The following TPM1 variants were observed in gnomAD, a reference collection of about 807,000 sequenced individuals.
TPM1 encodes the protein tropomyosin 1.
In TPM1, 24 loss-of-function variants were observed where a neutral mutation model predicts 42.9. That is an observed-to-expected ratio of 0.56 (90% confidence interval 0.41 to 0.79). The LOEUF (loss-of-function observed/expected upper bound fraction) is 0.79, where lower values mean the gene tolerates loss of function less well. Ranked by LOEUF, TPM1 falls within the 30% of genes least tolerant of loss-of-function variation. The probability of loss-of-function intolerance (pLI) is 0.00; values close to 1 mark genes in which losing one functional copy is unlikely to be tolerated. For synonymous variants in TPM1, 136 were observed against 130.1 expected (o/e 1.05, Z -0.31); for missense variants, 158 against 351.8 (o/e 0.45, Z 4.41).
exon 9 of TPM1, chr15:63,071,735 G>T: frequency 6.0e-6 from 1 of 167,886 alleles, no homozygotes; most frequent in Non-Finnish European, 1.3e-5. Flanking sequence ...TGGCACACGT[G>T]CAGCTCATGA....
intron 2 of TPM1, chr15:63,044,415 G>A (rs888026397): frequency 1.9e-5 from 12 of 617,206 alleles, no homozygotes; most frequent in Admixed American, 8.5e-5. Context: ...GGAGAATAGA[G>A]CAGCTGAAAT....
chr15:63,048,712 G>A (rs948805271), intron 2 of TPM1: 1 of 1,536,772 alleles, frequency 6.5e-7, no homozygotes, highest in East Asian at 2.5e-5. Context: ...GAGACCGTAA[G>A]GGATACACCC....
chr15:63,059,071 C>G (rs933201188), intron 3 of TPM1, among the ~76,000 whole-genome samples: 5 of 152,174 alleles, frequency 3.3e-5, no homozygotes, highest in South Asian at 2.1e-4. Flanking sequence ...TTTATTAAAT[C>G]TAACATTAAG....
downstream of TPM1, chr15:63,069,945 CT>C (rs2036513615): frequency 6.2e-7 from 1 of 1,614,030 alleles, no homozygotes; most frequent in Non-Finnish European, 8.5e-7. Flanking sequence ...GAGGATTAAA[CT>C]TAAGAGTGAA....
chr15:63,069,926 G>C (rs1278964065), downstream of TPM1: 1 of 1,614,066 alleles, frequency 6.2e-7, no homozygotes, highest in East Asian at 2.2e-5. Context: ...ACTAAAGCTG[G>C]CCCTGAATGA....
intron 2 of TPM1, chr15:63,048,648 G>C: frequency 6.5e-7 from 1 of 1,539,122 alleles, no homozygotes; most frequent in Non-Finnish European, 8.7e-7. Flanking sequence ...GGACGCCGCT[G>C]AGGAGCGCGC....
In TPM1 at chr15:63,062,152, C is replaced by T. The variant is rs1348614753; in HGVS notation, c.640-63C>T. The T allele has an allele frequency of 2.0e-6, 3 of 1,486,610 alleles. No homozygotes were observed. The African/African-American group carries it at 4.1e-5, about 21-fold the overall frequency. The allele number at this position is 1,486,610 out of a possible 1,614,324, so 92.1% of individuals were successfully genotyped here. ...GTTGGCTGAGCTGGCGAGTTCTTTGCATGAGAAGCCATGAGTAGATTGAGC... is the reference window on the plus strand; with the variant it reads ...GTTGGCTGAGCTGGCGAGTTCTTTGTATGAGAAGCCATGAGTAGATTGAGC... On this transcript the variant is annotated intron_variant, in intron 6 of 9. Transcript: ENST00000403994.
intron 3 of TPM1, 64 bp downstream of exon 3, chr15:63,057,182 C>T (rs2034941004): frequency 3.7e-6 from 6 of 1,602,594 alleles, no homozygotes; most frequent in Non-Finnish European, 5.1e-6. Context: ...CCGGAGGGCT[C>T]CTGTGATCTT....
chr15:63,065,432 T>A, intron 9 of TPM1: 1 of 985,408 alleles, frequency 1.0e-6, no homozygotes, highest in African/African-American at 1.7e-5. Flanking sequence ...TTAGAGGTTA[T>A]AGAATCCCCA....
At chr15:63,052,988 G>T (rs1048510878) in intron 2 of TPM1, among the ~76,000 whole-genome samples, 1 of 152,164 alleles carries the variant, frequency 6.6e-6, no homozygotes, top group African/African-American at 2.4e-5. Flanking sequence ...CATGGGTTCA[G>T]GGTTTTCCCA....
chr15:63,048,268 C>T (rs1485471697), intron 2 of TPM1: 8 of 562,488 alleles, frequency 1.4e-5, no homozygotes, highest in East Asian at 5.9e-5. Context: ...TCACCAGGTA[C>T]CCCCGCAGCG....
chr15:63,071,763 A>G (rs2141042236), exon 9 of TPM1: 1 of 159,622 alleles, frequency 6.3e-6, no homozygotes, highest in South Asian at 1.8e-4. Context: ...TAGGATAACA[A>G]TCAGTGTGGA....
At chr15:63,054,211 C>G (rs1369601308) in intron 2 of TPM1, among the ~76,000 whole-genome samples, 2 of 152,112 alleles carry the variant, frequency 1.3e-5, no homozygotes, top group African/African-American at 4.8e-5. Context: ...GTCTCCATGC[C>G]CAGTCGTTGC....
chr15:63,043,680 C>T (rs2031709017), intron 1 of TPM1: 1 of 1,540,348 alleles, frequency 6.5e-7, no homozygotes, highest in Non-Finnish European at 8.7e-7. Flanking sequence ...TGCCGGCCGC[C>T]CGCGCCCGCC....
downstream of TPM1, among the ~76,000 whole-genome samples, chr15:63,069,323 A>G (rs1566975750): frequency 6.6e-6 from 1 of 152,140 alleles, no homozygotes; most frequent in Non-Finnish European, 1.5e-5. Context: ...CCAAATTTCA[A>G]AAAATTTCAG....
chr15:63,050,411 A>G (rs531366461), intron 2 of TPM1, among the ~76,000 whole-genome samples: 1 of 152,320 alleles, frequency 6.6e-6, no homozygotes, highest in East Asian at 1.9e-4. Flanking sequence ...GCTAAGAAAG[A>G]GTATGTGTGA....
In TPM1 at chr15:63,042,750, C is replaced by T. The variant is rs1596296805; in HGVS notation, c.-80C>T. On this transcript the variant is annotated 5_prime_UTR_variant, in exon 1 of 10. Coordinates refer to ENST00000403994, the MANE Select transcript of TPM1 (RefSeq NM_001018005.2). ...TGGGAGAAGCAGGCGGCTCCGCGCT[C>T]GCACTCCCGCTCCTCCGCCCGACCG... The T allele has an allele frequency of 2.6e-6, 3 of 1,167,298 alleles. No homozygotes were observed. The East Asian group carries it at 7.3e-5, about 28-fold the overall frequency. 72.3% of individuals were successfully genotyped at this position (1,167,298 alleles called of 1,614,324 possible). A position where few individuals can be genotyped will look rare whatever the true frequency, so the allele number is the denominator to read the frequency against.
rs748349242 is a variant in TPM1 at position 63,042,786 on chromosome 15, C to A, written c.-44C>A. The A allele has an allele frequency of 1.3e-6, 2 of 1,565,626 alleles. No homozygotes were observed. The highest frequency in any genetic ancestry group is 8.8e-7 in the Non-Finnish European group (1 of 1,141,482). On this transcript the variant is annotated 5_prime_UTR_variant, in exon 1 of 10. Transcript: ENST00000403994. The stretch of plus-strand genomic sequence containing the variant: ...TCCTCCGCCCGACCGCGCGCTCGCC[C>A]CGCCGCTCCTGCTGCAGCCCCAGGG...
intron 4 of TPM1, chr15:63,060,055 T>C (rs2035403889): frequency 6.7e-6 from 2 of 297,366 alleles, no homozygotes; most frequent in African/African-American, 4.3e-5. Context: ...CACATCCAGA[T>C]TGGGCAGCTT....
Sources: gnomAD v4.1 joint callset for allele counts (sites outside exome capture counted in the v4.1 genomes callset) on GRCh38, gnomAD v4.1.1 for gene constraint, MANE v1.5 for transcripts, NCBI Gene and HGNC (gene_info 2026-07-23, HGNC 2026-07-21) for gene names.